CDH1: variants seen among roughly 807,000 people sequenced by gnomAD.
CDH1 encodes the protein cadherin-1.
Under a neutral mutation model 84.5 loss-of-function variants are expected in CDH1, and 35 were observed. The ratio of observed to expected loss-of-function variants is 0.41; its 90% CI spans 0.32 to 0.55. The LOEUF is 0.55. Ranked by LOEUF, CDH1 falls within the 20% of genes least tolerant of loss-of-function variation. CDH1 has a pLI of 0.19. For synonymous variants in CDH1, 417 were observed against 439.0 expected (o/e 0.95, Z 0.63); for missense variants, 994 against 1,126.6 (o/e 0.88, Z 1.68).
chr16:68,810,818 ATC>A (rs1960800608), intron 6 of CDH1, among the ~76,000 whole-genome samples: 1 of 151,204 alleles, frequency 6.6e-6, no homozygotes, highest in Non-Finnish European at 1.5e-5. Context: ...GTAAGCTGAG[ATC>A]ACGCCACTGC....
At chr16:68,819,183 T>G (rs983639768) in intron 10 of CDH1, 97 bp from the exon 11 acceptor site, 1 of 1,394,178 alleles carries the variant, frequency 7.2e-7, no homozygotes, top group East Asian at 2.3e-5. Flanking sequence ...ATAAAAACGT[T>G]GGAAGTAACC....
intron 2 of CDH1, among the ~76,000 whole-genome samples, chr16:68,750,690 A>G (rs1173905811): frequency 1.3e-5 from 2 of 150,494 alleles, no homozygotes; most frequent in Non-Finnish European, 3.0e-5. Flanking sequence ...GTACGCCTGT[A>G]CACCTTCTTT....
chr16:68,820,530 T>TTTTG (rs1961112984), intron 11 of CDH1, among the ~76,000 whole-genome samples: 25 of 152,036 alleles, frequency 1.6e-4, no homozygotes, highest in Admixed American at 1.6e-3. Flanking sequence ...TTTTGTATTT[T>TTTTG]TAGTAGAAAC....
chr16:68,812,064 T>C (rs2152132367), intron 7 of CDH1, 71 bp from the exon 8 acceptor site: 1 of 1,608,086 alleles, frequency 6.2e-7, no homozygotes, highest in Non-Finnish European at 8.5e-7. Flanking sequence ...TGGTTCCATG[T>C]GTTGGGCTGG....
chr16:68,760,710 G>A (rs1959213371), intron 2 of CDH1, among the ~76,000 whole-genome samples: 1 of 152,118 alleles, frequency 6.6e-6, no homozygotes, highest in South Asian at 2.1e-4. Context: ...CAGGAGTTTG[G>A]AGCTGACCCA....
intron 11 of CDH1, among the ~76,000 whole-genome samples, chr16:68,821,434 C>T (rs962473596): frequency 1.4e-5 from 2 of 146,924 alleles, no homozygotes; most frequent in African/African-American, 5.1e-5. Flanking sequence ...CATGCCACTG[C>T]ATTCCCGCCT....
At chr16:68,778,080 C>T (rs976483459) in intron 2 of CDH1, among the ~76,000 whole-genome samples, 2 of 151,766 alleles carry the variant, frequency 1.3e-5, no homozygotes, top group Non-Finnish European at 2.9e-5. Flanking sequence ...CGGAATCTCG[C>T]TCTGTTGCCC....
At chr16:68,795,926 G>A (rs888789875) in intron 2 of CDH1, among the ~76,000 whole-genome samples, 4 of 151,892 alleles carry the variant, frequency 2.6e-5, no homozygotes, top group Admixed American at 6.6e-5. Context: ...CACTTTGGGC[G>A]GCCAAGGCAG....
intron 2 of CDH1, among the ~76,000 whole-genome samples, chr16:68,769,759 C>G (rs1366905250): frequency 6.6e-6 from 1 of 152,078 alleles, no homozygotes; most frequent in African/African-American, 2.4e-5. Flanking sequence ...GAGACCCCAT[C>G]TCTACAAAAG....
chr16:68,782,824 GT>G (rs901600037), intron 2 of CDH1, among the ~76,000 whole-genome samples: 1 of 151,946 alleles, frequency 6.6e-6, no homozygotes. Context: ...TTGCCCCTCC[GT>G]CCCTGGACCA....
In CDH1 at chr16:68,833,908, TAAA is replaced by T; in HGVS notation, c.*415_*417del. ...CTGTTGTTTTGTGTATATAATTTTT[TAAA>T]AAAAATTTGTGTGCTTCTGCTCATT... On this transcript the variant is annotated 3_prime_UTR_variant, in exon 16 of 16. Coordinates refer to ENST00000261769, the MANE Select transcript of CDH1 (RefSeq NM_004360.5). 3.0e-6 allele frequency: 1 copy of T among 335,528 alleles called. No individual in the cohort carries two copies. The highest frequency in any genetic ancestry group is 5.5e-6 in the Non-Finnish European group (1 of 180,240). 20.8% of individuals were successfully genotyped at this position (335,528 alleles called of 1,614,324 possible).
Position 68,833,629 on chromosome 16 carries a change from G to T in CDH1, c.*130G>T. ...AAAAAAGAGACTGGTTAGTGATGCA[G>T]TTAGTATAGCTTTATACTCTCTCCA... On this transcript the variant is annotated 3_prime_UTR_variant, in exon 16 of 16. Transcript: ENST00000261769. 2.7e-6 allele frequency: 2 copies of T among 732,646 alleles called. No individual in the cohort carries two copies. Among genetic ancestry groups the T allele is most frequent in the Non-Finnish European group, 4.9e-6 (2 of 408,864 alleles). 45.4% of individuals were successfully genotyped at this position (732,646 alleles called of 1,614,324 possible). A position where few individuals can be genotyped will look rare whatever the true frequency, so the allele number is the denominator to read the frequency against.
chr16:68,744,581 C>A (rs1022434154), intron 2 of CDH1, among the ~76,000 whole-genome samples: 2 of 152,108 alleles, frequency 1.3e-5, no homozygotes, highest in African/African-American at 4.8e-5. Flanking sequence ...CTCCTTCCTT[C>A]CTCTTACCTG....
chr16:68,798,248 T>C (rs898776988), intron 2 of CDH1, among the ~76,000 whole-genome samples: 3 of 152,164 alleles, frequency 2.0e-5, no homozygotes, highest in East Asian at 1.9e-4. Context: ...TTTTGTTAGC[T>C]TTTTTTATGG....
intron 2 of CDH1, among the ~76,000 whole-genome samples, chr16:68,794,602 C>T (rs2152124251): frequency 6.6e-6 from 1 of 152,018 alleles, no homozygotes; most frequent in Middle Eastern, 3.5e-3. Context: ...ACACTGCAGC[C>T]TCCAACTCCT....
intron 2 of CDH1, among the ~76,000 whole-genome samples, chr16:68,756,068 G>A (rs909338503): frequency 2.6e-5 from 4 of 151,776 alleles, no homozygotes; most frequent in Admixed American, 6.6e-5. Context: ...GTGCCTAGCC[G>A]AGTTTTCTAA....
chr16:68,782,424 T>A (rs1313031017), intron 2 of CDH1, among the ~76,000 whole-genome samples: 2 of 152,190 alleles, frequency 1.3e-5, no homozygotes, highest in East Asian at 1.9e-4. Flanking sequence ...TCTTCAAATG[T>A]TCCCACCAAC....
At chr16:68,781,444 A>G (rs1019604059) in intron 2 of CDH1, among the ~76,000 whole-genome samples, 3 of 152,098 alleles carry the variant, frequency 2.0e-5, no homozygotes, top group East Asian at 1.9e-4. Flanking sequence ...GGCTCAAGCA[A>G]TTAACTCCAC....
At chr16:68,782,381 C>T (rs1001107724) in intron 2 of CDH1, among the ~76,000 whole-genome samples, 1 of 152,222 alleles carries the variant, frequency 6.6e-6, no homozygotes, top group Admixed American at 6.5e-5. Flanking sequence ...CCATCTGTGG[C>T]AGAACAGGAG....
Sources: allele counts gnomAD v4.1 joint callset (sites outside exome capture counted in the v4.1 genomes callset), GRCh38; gene constraint gnomAD v4.1.1; transcripts MANE v1.5; gene names NCBI Gene and HGNC (gene_info 2026-07-23, HGNC 2026-07-21).